The following IL1RAPL2 variants were observed in gnomAD, a reference collection of about 807,000 sequenced individuals.
The protein encoded by IL1RAPL2 is interleukin 1 receptor accessory protein like 2, also known as X-linked interleukin-1 receptor accessory protein-like 2.
A neutral mutation model predicts 44.1 loss-of-function variants in IL1RAPL2; 3 were observed. That is an observed-to-expected ratio of 0.07 (90% CI 0.03 to 0.18). IL1RAPL2 has a LOEUF of 0.18. Among genes scored for constraint, IL1RAPL2 ranks in the 10% least tolerant of loss-of-function variants. IL1RAPL2 has a pLI of 1.00. For missense variants in IL1RAPL2, 391 were observed against 496.4 expected (o/e 0.79, Z 2.02); for synonymous variants, 181 against 178.8 (o/e 1.01, Z -0.10).
rs772779015 is a variant in IL1RAPL2 at position 105,281,190 on chromosome X, G to A, written c.697+13649G>A. ...TCACAAGAATAGAAAACCAAACACC[G>A]CATGTTCTCACTCATAAGTGGGAGT... On this transcript the variant is annotated intron_variant, in intron 5 of 10. Transcript: ENST00000372582. Among the ~76,000 whole-genome samples the A allele has an allele frequency of 1.1e-4, 12 of 111,095 alleles. No homozygotes were observed. The South Asian group carries it at 1.5e-3, about 14-fold the overall frequency.
At chrX:104,661,727 AT>A (rs1930404305) in intron 2 of IL1RAPL2, among the ~76,000 whole-genome samples, 1 of 111,636 alleles carries the variant, frequency 9.0e-6, no homozygotes, top group Non-Finnish European at 1.9e-5. Context: ...TGCAGTACAA[AT>A]TTTTGCTTCA....
intron 7 of IL1RAPL2, among the ~76,000 whole-genome samples, chrX:105,738,676 G>A (rs1400110139): frequency 9.0e-6 from 1 of 111,280 alleles, no homozygotes; most frequent in African/African-American, 3.3e-5. Context: ...AAGAGAAGTT[G>A]ACAGGGTACC....
intron 2 of IL1RAPL2, among the ~76,000 whole-genome samples, chrX:104,689,245 A>G (rs930018480): frequency 2.7e-5 from 3 of 112,047 alleles, no homozygotes; most frequent in Admixed American, 1.9e-4. Context: ...ATTGTGACCT[A>G]TGGAACAAAA....
intron 6 of IL1RAPL2, among the ~76,000 whole-genome samples, chrX:105,510,760 T>C (rs904709484): frequency 9.0e-6 from 1 of 111,397 alleles, no homozygotes; most frequent in African/African-American, 3.3e-5. Context: ...TAGCCAAGGA[T>C]TGTGGCAGCT....
chrX:105,324,594 A>G lies in IL1RAPL2; in HGVS notation c.697+57053A>G, dbSNP rs1306733566. Among the ~76,000 whole-genome samples, 3 of 111,050 alleles carry G rather than the reference A, an allele frequency of 2.7e-5. No individual in the cohort carries two copies. The Admixed American group carries it at 2.9e-4, about 11-fold the overall frequency. The stretch of plus-strand genomic sequence containing the variant: ...TCACCACTGATTTAAAAATTCCCTT[A>G]CTTTATATTGTAATTTCTGTTTAAA... On this transcript the variant is annotated intron_variant, in intron 5 of 10. Transcript: ENST00000372582.
In IL1RAPL2 at chrX:105,262,375, G is replaced by A. The variant is rs185596163; in HGVS notation, c.544-5013G>A. Among the ~76,000 whole-genome samples, 487 of 111,733 alleles carry A rather than the reference G, an allele frequency of 4.4e-3. 4 individuals are homozygous for A. The highest frequency in any genetic ancestry group is 0.018 in the South Asian group (49 of 2,653). ...AAATTGAGTCACATTAACTCCTGAT[G>A]ATCATTAATATATCATAACACATGT... On this transcript the variant is annotated intron_variant, in intron 4 of 10. Coordinates refer to ENST00000372582, the MANE Select transcript of IL1RAPL2 (RefSeq NM_017416.2).
chrX:104,922,539 A>G, intron 2 of IL1RAPL2, among the ~76,000 whole-genome samples: 1 of 112,451 alleles, frequency 8.9e-6, no homozygotes. Flanking sequence ...CCACTACAGT[A>G]AGGCTATCTA....
At chrX:105,161,727 A>C in intron 2 of IL1RAPL2, among the ~76,000 whole-genome samples, 1 of 112,108 alleles carries the variant, frequency 8.9e-6, no homozygotes. Context: ...TCATTTTGTA[A>C]CAGTTTTTAA....
intron 2 of IL1RAPL2, among the ~76,000 whole-genome samples, chrX:104,660,849 G>A (rs1283877212): frequency 1.9e-5 from 2 of 107,148 alleles, no homozygotes; most frequent in Admixed American, 1.0e-4. Context: ...GTGAGAGTAT[G>A]GCTTCAGCCT....
chrX:105,764,670 G>A (rs1255787821), intron 10 of IL1RAPL2, among the ~76,000 whole-genome samples: 1 of 111,285 alleles, frequency 9.0e-6, no homozygotes, highest in African/African-American at 3.3e-5. Context: ...GCCGAGCATG[G>A]TGGCTGGCAC....
At chrX:105,552,122 G>T (rs769350463) in intron 6 of IL1RAPL2, among the ~76,000 whole-genome samples, 6 of 106,651 alleles carry the variant, frequency 5.6e-5, no homozygotes, top group South Asian at 8.1e-4. Context: ...AAAAAAAAAA[G>T]ATTTCCCTTT....
chrX:104,973,174 A>AGG (rs1020110146), intron 2 of IL1RAPL2, among the ~76,000 whole-genome samples: 2 of 111,576 alleles, frequency 1.8e-5, no homozygotes, highest in African/African-American at 6.5e-5. Flanking sequence ...TAAATTTTAA[A>AGG]GGGGGCATAG....
At chrX:105,282,061 A>G (rs972933151) in intron 5 of IL1RAPL2, among the ~76,000 whole-genome samples, 1 of 112,148 alleles carries the variant, frequency 8.9e-6, no homozygotes, top group African/African-American at 3.2e-5. Flanking sequence ...TATTTCAGGC[A>G]GAAATATTTT....
At chrX:105,401,271 A>G in intron 5 of IL1RAPL2, among the ~76,000 whole-genome samples, 1 of 111,313 alleles carries the variant, frequency 9.0e-6, no homozygotes, top group Admixed American at 9.6e-5. Flanking sequence ...GTCCAAAGCT[A>G]TTAAAAATCA....
At chrX:105,694,107 GCTACAAGC>G (rs1018307415) in intron 6 of IL1RAPL2, among the ~76,000 whole-genome samples, 1 of 111,996 alleles carries the variant, frequency 8.9e-6, no homozygotes, top group Non-Finnish European at 1.9e-5. Flanking sequence ...AAAAGCAGAA[GCTACAAGC>G]CTCCTGAGGC....
rs60750015 is a variant in IL1RAPL2, at chrX:104,848,282, G to A, written c.82+189287G>A. Among the ~76,000 whole-genome samples, 721 of 108,011 alleles carry A rather than the reference G, an allele frequency of 6.7e-3. 3 individuals are homozygous for A. Among genetic ancestry groups the A allele is most frequent in the African/African-American group, 0.022 (665 of 29,780 alleles). 93.8% of individuals were successfully genotyped at this position (108,011 alleles called of 115,157 possible). On this transcript the variant is annotated intron_variant, in intron 2 of 10. Transcript: ENST00000372582. ...AATCCTTTATAAAACTGTTAAGACC[G>A]TCACAGACATTTACAATATGTTTAA... is the stretch of plus-strand genomic sequence containing the variant.
chrX:104,763,062 C>G (rs1932492995), intron 2 of IL1RAPL2, among the ~76,000 whole-genome samples: 1 of 112,384 alleles, frequency 8.9e-6, no homozygotes, highest in Non-Finnish European at 1.9e-5. Flanking sequence ...CCTGCATTAT[C>G]AGGCCTGCAG....
intron 2 of IL1RAPL2, among the ~76,000 whole-genome samples, chrX:104,851,824 A>G (rs1014993339): frequency 9.0e-6 from 1 of 111,717 alleles, no homozygotes; most frequent in African/African-American, 3.3e-5. Flanking sequence ...GTCAAACAGG[A>G]TTCTGATGCA....
intron 2 of IL1RAPL2, among the ~76,000 whole-genome samples, chrX:104,872,905 C>T (rs1922803678): frequency 9.0e-6 from 1 of 110,784 alleles, no homozygotes; most frequent in Non-Finnish European, 1.9e-5. Context: ...AACCTTAACA[C>T]CAAGAAATAT....
Sources: allele counts gnomAD v4.1 joint callset (sites outside exome capture counted in the v4.1 genomes callset), GRCh38; gene constraint gnomAD v4.1.1; transcripts MANE v1.5; gene names NCBI Gene and HGNC (gene_info 2026-07-23, HGNC 2026-07-21).